ZCCHC14: variants seen among roughly 807,000 people sequenced by gnomAD.
ZCCHC14 encodes zinc finger CCHC domain-containing protein 14.
ZCCHC14 carries 16 observed loss-of-function variants against 85.0 expected under a neutral mutation model. The observed-to-expected ratio is 0.19, with a 90% CI of 0.13 to 0.29. The LOEUF (loss-of-function observed/expected upper bound fraction) is 0.29. Among genes scored for constraint, ZCCHC14 ranks in the 10% least tolerant of loss-of-function variants. ZCCHC14 has a pLI of 1.00. For missense variants in ZCCHC14, 1,303 were observed against 1,443.5 expected, an observed-to-expected ratio of 0.90 and a Z score of 1.58; for synonymous variants, 775 against 630.7, an observed-to-expected ratio of 1.23 and a Z score of -3.43.
chr16:87,413,714 C>T (rs1400780586), intron 10 of ZCCHC14, among the ~76,000 whole-genome samples: 1 of 151,924 alleles, frequency 6.6e-6, no homozygotes, highest in Admixed American at 6.6e-5. Context: ...ATCGCTGAGA[C>T]TGAGGGTCCC....
At chr16:87,426,183 A>G (rs1032928957) in intron 3 of ZCCHC14, among the ~76,000 whole-genome samples, 1 of 152,184 alleles carries the variant, frequency 6.6e-6, no homozygotes. Context: ...AGACCCAGCC[A>G]AGCCCTCTAC....
At position 87,491,828 on chromosome 16, in the gene ZCCHC14, G is replaced by C. The variant is rs143644574; in HGVS notation, c.411C>G (p.Thr137=). The C allele has an allele frequency of 2.9e-5, 46 of 1,583,630 alleles. No homozygotes were observed. The highest frequency in any genetic ancestry group is 3.6e-5 in the Non-Finnish European group (42 of 1,169,462). ...TGAAGGCCGGGTGGTTGGAGGCCAT[G>C]GTGAACAGCAGCAGGAACTCATCGC... The part of the protein sequence containing the change: ...RTGDEFLLLF[T]MASNHPAFSF... The change falls in exon 1 of 13, where the codon ACC becomes ACG. Residue 137 remains threonine, a synonymous_variant. Coordinates refer to ENST00000671377, the MANE Select transcript of ZCCHC14 (RefSeq NM_015144.3). This position sits in a 1 kb window ranked among gnomAD's most constrained non-coding sequence, Gnocchi z 5.9.
chr16:87,441,873 C>T (rs1043365655), intron 2 of ZCCHC14, among the ~76,000 whole-genome samples: 3 of 152,190 alleles, frequency 2.0e-5, no homozygotes, highest in Non-Finnish European at 2.9e-5. Flanking sequence ...GGAGCAGCAA[C>T]GAAAGCCCCT....
At chr16:87,459,095 G>A (rs899652722) in intron 2 of ZCCHC14, among the ~76,000 whole-genome samples, 3 of 152,224 alleles carry the variant, frequency 2.0e-5, no homozygotes, top group African/African-American at 7.2e-5. Flanking sequence ...GAGCCACAGG[G>A]GCTCAGGCCG....
At chr16:87,423,317 G>A (rs1014415739) in intron 4 of ZCCHC14, among the ~76,000 whole-genome samples, 3 of 152,166 alleles carry the variant, frequency 2.0e-5, no homozygotes, top group African/African-American at 7.2e-5. Flanking sequence ...GGAGGTCAAG[G>A]CTGCAGTGAG....
At chr16:87,423,351 C>A (rs1342414162) in intron 4 of ZCCHC14, among the ~76,000 whole-genome samples, 1 of 152,044 alleles carries the variant, frequency 6.6e-6, no homozygotes, top group Admixed American at 6.5e-5. Flanking sequence ...ACCACCACAA[C>A]CCAGCCTGGG....
rs764573624 is a variant in ZCCHC14, at chr16:87,411,914, G to C, written c.2807C>G (p.Ser936Trp). 1 of 1,597,132 alleles carries C rather than the reference G, an allele frequency of 6.3e-7. No homozygotes were observed. The highest frequency in any genetic ancestry group is 1.1e-5 in the South Asian group (1 of 89,660). Residue 936 changes from serine to tryptophan, a missense_variant, in exon 12 of 13, where the codon TCG becomes TGG. This residue lies in a region of ZCCHC14 where 797 missense variants were observed against 730.8 expected (regional missense o/e 1.09). Transcript: ENST00000671377. ...GGCGTAGCTGACAGTCAGGCCACTCGAGCCGCAGCTGCCGCTGCAGCCACA... is the reference window on the plus strand; with the variant it reads ...GGCGTAGCTGACAGTCAGGCCACTCCAGCCGCAGCTGCCGCTGCAGCCACA... ...TSCGCSGSCG[S>W]SGLTVSYANY...
Position 87,417,511 on chromosome 16 carries a change from T to C in ZCCHC14, c.1332A>G (p.Lys444=). 1 of 1,614,238 alleles carries C rather than the reference T, an allele frequency of 6.2e-7. No individual in the cohort carries two copies. The highest frequency in any genetic ancestry group is 8.5e-7 in the Non-Finnish European group (1 of 1,180,042). ...EQNGILDWLR[K]LRLHKYYPVF... The stretch of plus-strand genomic sequence containing the variant: ...CGGGGTAATACTTGTGCAAACGCAG[T>C]TTCCTAAGCCAGTCTAGAATCCCAT... Residue 444 remains lysine, a synonymous_variant, in exon 8 of 13, where the codon AAA becomes AAG. Coordinates refer to ENST00000671377, the MANE Select transcript of ZCCHC14 (RefSeq NM_015144.3).
chr16:87,456,257 G>A (rs1229262797), intron 2 of ZCCHC14, among the ~76,000 whole-genome samples: 1 of 152,160 alleles, frequency 6.6e-6, no homozygotes, highest in African/African-American at 2.4e-5. Context: ...AGGGCTGGGC[G>A]CAGTGGCTCA....
chr16:87,432,963 C>T (rs1218867489), intron 3 of ZCCHC14, among the ~76,000 whole-genome samples, 165 bp downstream of exon 3: 4 of 152,040 alleles, frequency 2.6e-5, no homozygotes, highest in South Asian at 2.1e-4. Context: ...CAACAACCCC[C>T]ACCCTGGAGA....
At chr16:87,479,147 T>A (rs1488232591) in intron 1 of ZCCHC14, among the ~76,000 whole-genome samples, 1 of 152,108 alleles carries the variant, frequency 6.6e-6, no homozygotes, top group Non-Finnish European at 1.5e-5. Flanking sequence ...CTGGGCGTGG[T>A]GGCTCACACC....
At position 87,412,275 on chromosome 16, in the gene ZCCHC14, C is replaced by T. The variant is rs752130660; in HGVS notation, c.2446G>A (p.Ala816Thr). The T allele has an allele frequency of 2.7e-5, 44 of 1,613,780 alleles. No homozygotes were observed. The Middle Eastern group carries it at 1.5e-3, about 54-fold the overall frequency. Residue 816 changes from alanine to threonine, a missense_variant, in exon 12 of 13, where the codon GCC (alanine) becomes ACC (threonine). By Grantham distance (58) the Ala-to-Thr change is moderately conservative (BLOSUM62 0). Around this residue, in one of 7 missense-constraint regions of ZCCHC14, gnomAD observed 797 missense variants for 730.8 expected, o/e 1.09. Transcript: ENST00000671377. ...IINPRTALYT[A>T]NTKVAFSAMS... is the part of the protein sequence containing the mutation. ...GCAGAAAAGGCAACTTTGGTGTTGG[C>T]TGTGTACAGAGCAGTCCGGGGGTTT...
chr16:87,449,484 G>A (rs1431381465), intron 2 of ZCCHC14, among the ~76,000 whole-genome samples: 1 of 152,006 alleles, frequency 6.6e-6, no homozygotes, highest in Non-Finnish European at 1.5e-5. Flanking sequence ...AGGTGCAGAG[G>A]CGCAGCGACA....
chr16:87,438,326 C>G (rs781521123), intron 2 of ZCCHC14, among the ~76,000 whole-genome samples: 4 of 152,248 alleles, frequency 2.6e-5, no homozygotes, highest in African/African-American at 7.2e-5. Flanking sequence ...TATGCATGTA[C>G]AAGAATGATA....
At chr16:87,456,548 AAAAAAAAAAAAAAAAT>A (rs2150755668) in intron 2 of ZCCHC14, among the ~76,000 whole-genome samples, 1 of 145,266 alleles carries the variant, frequency 6.9e-6, no homozygotes, top group African/African-American at 2.4e-5. Context: ...AAAAAAAAAA[AAAAAAAAAAAAAAAAT>A]TTAGATTTTA....
At chr16:87,413,005 C>A (rs1273490999) in intron 11 of ZCCHC14, 29 bp from the exon 12 acceptor site, 27 of 1,613,822 alleles carry the variant, frequency 1.7e-5, no homozygotes, top group Non-Finnish European at 2.3e-5. Context: ...GTGGTCAGTG[C>A]CATTCCACAG....
chr16:87,488,507 T>C (rs796401070), intron 1 of ZCCHC14, among the ~76,000 whole-genome samples: 13 of 152,342 alleles, frequency 8.5e-5, no homozygotes, highest in African/African-American at 2.9e-4. Flanking sequence ...TAAGAATTTT[T>C]AAATAAAAAC....
intron 2 of ZCCHC14, among the ~76,000 whole-genome samples, chr16:87,440,131 C>G (rs1012834028): frequency 1.3e-5 from 2 of 152,094 alleles, no homozygotes; most frequent in African/African-American, 4.8e-5. Flanking sequence ...AATTCACTGA[C>G]TGAAATGCAT....
intron 9 of ZCCHC14, 128 bp from the exon 10 acceptor site, chr16:87,414,669 A>T: frequency 7.9e-7 from 1 of 1,272,750 alleles, no homozygotes; most frequent in Non-Finnish European, 1.1e-6. Context: ...AGATGGGTCT[A>T]CTCCACACCA....
Sources: gnomAD v4.1 joint callset for allele counts (sites outside exome capture counted in the v4.1 genomes callset) on GRCh38, gnomAD v4.1.1 for gene constraint, gnomAD v4.1.1 regional missense constraint, Gnocchi (gnomAD v3.1) non-coding constraint, MANE v1.5 for transcripts, NCBI Gene and HGNC (gene_info 2026-07-23, HGNC 2026-07-21) for gene names.